VSTM2L: variants seen among roughly 807,000 people sequenced by gnomAD.
VSTM2L encodes the protein V-set and transmembrane domain containing 2 like.
VSTM2L carries 9 observed loss-of-function variants against 19.9 expected under a neutral mutation model. That is an observed-to-expected ratio of 0.45 (90% confidence interval 0.27 to 0.79). The LOEUF is 0.79. Ranked by LOEUF, VSTM2L falls within the 30% of genes least tolerant of loss-of-function variation. The pLI, the probability that VSTM2L is intolerant of heterozygous loss-of-function variation, is 0.15. For synonymous variants in VSTM2L, 127 were observed against 133.8 expected, an observed-to-expected ratio of 0.95 and a Z score of 0.35; for missense variants, 286 against 295.5, an observed-to-expected ratio of 0.97 and a Z score of 0.24.
Position 37,944,621 on chromosome 20 carries a change from GC to G in VSTM2L, c.*374del. On this transcript the variant is annotated 3_prime_UTR_variant, in exon 4 of 4. Transcript: ENST00000373461. The stretch of plus-strand genomic sequence containing the variant: ...GTCCCCCATCCTGTCCTGAGCCGGG[GC>G]CCCCCAGCCTCGCCTCCCTCCTCCT... The G allele has an allele frequency of 1.9e-6, 2 of 1,033,830 alleles. No individual in the cohort carries two copies. The highest frequency in any genetic ancestry group is 2.3e-6 in the Non-Finnish European group (2 of 862,514). 64.0% of individuals were successfully genotyped at this position (1,033,830 alleles called of 1,614,324 possible).
At chr20:37,936,077 G>C (rs2072938352) in intron 3 of VSTM2L, among the ~76,000 whole-genome samples, 1 of 139,358 alleles carries the variant, frequency 7.2e-6, no homozygotes, top group Non-Finnish European at 1.5e-5. Flanking sequence ...TGTATTTTTA[G>C]TAGAGACAGG....
chr20:37,927,405 C>T (rs369932947), intron 1 of VSTM2L, among the ~76,000 whole-genome samples: 9 of 152,056 alleles, frequency 5.9e-5, no homozygotes, highest in Non-Finnish European at 1.3e-4. Flanking sequence ...ATATTCCATG[C>T]GCGCCTTGCA....
intron 3 of VSTM2L, among the ~76,000 whole-genome samples, chr20:37,936,674 G>A (rs372635914): frequency 8.7e-4 from 132 of 152,254 alleles, no homozygotes; most frequent in Middle Eastern, 3.4e-3. Flanking sequence ...GGACCGTGAG[G>A]ACACAGTGGG....
At chr20:37,922,878 C>T (rs777250898) in intron 1 of VSTM2L, among the ~76,000 whole-genome samples, 4 of 151,498 alleles carry the variant, frequency 2.6e-5, no homozygotes, top group Non-Finnish European at 4.4e-5. Context: ...GCTAGAGGAC[C>T]GGTGGGTGAG....
intron 1 of VSTM2L, among the ~76,000 whole-genome samples, chr20:37,927,390 A>G (rs1448089945): frequency 6.6e-6 from 1 of 151,970 alleles, no homozygotes; most frequent in Non-Finnish European, 1.5e-5. Flanking sequence ...CTCCCAGGAG[A>G]TGGAATATTC....
chr20:37,944,385 G>A lies in VSTM2L; in HGVS notation c.*132G>A, dbSNP rs558652391. 38 of 1,284,920 alleles carry A rather than the reference G, an allele frequency of 3.0e-5. No individual in the cohort carries two copies. The South Asian group carries it at 4.5e-4, about 15-fold the overall frequency. The allele number at this position is 1,284,920 out of a possible 1,614,324, so 79.6% of individuals were successfully genotyped here. A position where few individuals can be genotyped will look rare whatever the true frequency, so the allele number is the denominator to read the frequency against. Reference sequence around the variant, plus strand: ...CGAGGCCGCCTGTGGCCACCATGTCGGCCCTCTTTCCACCACCCCTTGCTC... The same window carrying A: ...CGAGGCCGCCTGTGGCCACCATGTCAGCCCTCTTTCCACCACCCCTTGCTC... On this transcript the variant is annotated 3_prime_UTR_variant, in exon 4 of 4. Transcript: ENST00000373461.
Position 37,944,792 on chromosome 20 carries a change from G to C in VSTM2L, c.*539G>C. 1.0e-6 allele frequency: 1 copy of C among 986,294 alleles called. No individual in the cohort carries two copies. The highest frequency in any genetic ancestry group is 1.2e-6 in the Non-Finnish European group (1 of 830,364). The allele number at this position is 986,294 out of a possible 1,614,324, so 61.1% of individuals were successfully genotyped here. On this transcript the variant is annotated 3_prime_UTR_variant, in exon 4 of 4. Transcript: ENST00000373461. Reference sequence around the variant, plus strand: ...CCTTCTGGGGCAGTGGCTCTGCAGGGTCACTCATGGAGGCCTAGGGGAACA... The same window carrying C: ...CCTTCTGGGGCAGTGGCTCTGCAGGCTCACTCATGGAGGCCTAGGGGAACA...
intron 1 of VSTM2L, 150 bp from the exon 2 acceptor site, chr20:37,931,485 C>T: frequency 1.2e-6 from 1 of 830,372 alleles, no homozygotes; most frequent in Non-Finnish European, 1.9e-6. Flanking sequence ...GAAGCCAGAC[C>T]ACTCCCACCA....
At chr20:37,908,696 A>G (rs1437773075) in intron 1 of VSTM2L, among the ~76,000 whole-genome samples, 1 of 152,142 alleles carries the variant, frequency 6.6e-6, no homozygotes. Flanking sequence ...CCAGCTACTC[A>G]GTAGGCTGAG....
chr20:37,922,145 A>G (rs1442067069), intron 1 of VSTM2L, among the ~76,000 whole-genome samples: 2 of 151,918 alleles, frequency 1.3e-5, no homozygotes, highest in Non-Finnish European at 2.9e-5. Flanking sequence ...CAGTCCAGAA[A>G]TTGTTCATCA....
At chr20:37,914,113 T>G (rs1223219828) in intron 1 of VSTM2L, among the ~76,000 whole-genome samples, 1 of 151,002 alleles carries the variant, frequency 6.6e-6, no homozygotes. Flanking sequence ...AAAGAGGGAA[T>G]TGTGTGTGTG....
intron 1 of VSTM2L, among the ~76,000 whole-genome samples, chr20:37,918,258 T>C (rs1382012562): frequency 2.0e-5 from 3 of 151,962 alleles, no homozygotes; most frequent in African/African-American, 7.3e-5. Context: ...TAGTGATGGG[T>C]TGTGAGATTG....
chr20:37,906,226 G>A (rs1011253968), intron 1 of VSTM2L, among the ~76,000 whole-genome samples: 1 of 152,128 alleles, frequency 6.6e-6, no homozygotes, highest in Non-Finnish European at 1.5e-5. Flanking sequence ...AGATGGGTCA[G>A]AAAGGACATC....
In VSTM2L at chr20:37,944,714, T is replaced by C. The variant is rs1404134354; in HGVS notation, c.*461T>C. 4 of 988,800 alleles carry C rather than the reference T, an allele frequency of 4.0e-6. No homozygotes were observed. Among genetic ancestry groups the C allele is most frequent in the Non-Finnish European group, 4.8e-6 (4 of 832,514 alleles). The allele number at this position is 988,800 out of a possible 1,614,324, so 61.3% of individuals were successfully genotyped here. On this transcript the variant is annotated 3_prime_UTR_variant, in exon 4 of 4. Coordinates refer to ENST00000373461, the MANE Select transcript of VSTM2L (RefSeq NM_080607.3). ...TCCCTGAATATGGACTTGAATCTTC[T>C]GAGCAGAACTAGGGCCTCTCCCCTG...
chr20:37,904,968 G>A (rs2072743630), intron 1 of VSTM2L, among the ~76,000 whole-genome samples: 1 of 152,144 alleles, frequency 6.6e-6, no homozygotes, highest in Non-Finnish European at 1.5e-5. Context: ...TGGTAAATAA[G>A]GAAAGGGTTC....
rs1203422976 is a variant in VSTM2L, at chr20:37,903,372, G to T, written c.22G>T (p.Ala8Ser). 14 of 1,480,798 alleles carry T rather than the reference G, an allele frequency of 9.5e-6. No individual in the cohort carries two copies. In the South Asian group the frequency reaches 1.0e-4, roughly 11 times the overall value. The allele number at this position is 1,480,798 out of a possible 1,614,324, so 91.7% of individuals were successfully genotyped here. A position where few individuals can be genotyped will look rare whatever the true frequency, so the allele number is the denominator to read the frequency against. The change falls in exon 1 of 4, where the codon GCG becomes TCG. Residue 8 changes from alanine (A) to serine (S), a missense_variant. Ala to Ser is a moderately conservative substitution (Grantham distance 99, BLOSUM62 1). Transcript: ENST00000373461. Reference sequence around the variant, plus strand: ...CACGATGGGGGCCCCGCTCGCCGTAGCGCTGGGCGCCCTCCACTACCTGGC... The same window carrying T: ...CACGATGGGGGCCCCGCTCGCCGTATCGCTGGGCGCCCTCCACTACCTGGC... The part of the protein sequence containing the change: MGAPLAV[A>S]LGALHYLALF...
chr20:37,903,397 C>A lies in VSTM2L; in HGVS notation c.47C>A (p.Ala16Glu), dbSNP rs1389154592. ...GCGCTGGGCGCCCTCCACTACCTGG[C>A]ACTTTTCCTGCAACTCGGCGGCGCC... is the stretch of plus-strand genomic sequence containing the variant. The part of the protein sequence containing the change: ...AVALGALHYL[A>E]LFLQLGGATR... The change falls in exon 1 of 4, where the codon GCA (alanine) becomes GAA (glutamate). Residue 16 changes from alanine to glutamate, a missense_variant. Transcript: ENST00000373461. 4 of 1,490,868 alleles carry A rather than the reference C, an allele frequency of 2.7e-6. No homozygotes were observed. The South Asian group carries it at 5.0e-5, about 19-fold the overall frequency. The allele number at this position is 1,490,868 out of a possible 1,614,324, so 92.4% of individuals were successfully genotyped here.
Position 37,944,214 on chromosome 20 carries a change from G to A in VSTM2L, c.576G>A (p.Leu192=). The change falls in exon 4 of 4, where the codon CTG becomes CTA. Residue 192 remains leucine, a synonymous_variant. Coordinates refer to ENST00000373461, the MANE Select transcript of VSTM2L (RefSeq NM_080607.3). ...APPPPKPGKE[L]RKRSVDQEAC... ...CGCCCCCCAAGCCAGGCAAGGAGCT[G>A]AGGAAGCGCTCGGTGGACCAGGAGG... 1 of 1,525,636 alleles carries A rather than the reference G, an allele frequency of 6.6e-7. No homozygotes were observed. Among genetic ancestry groups the A allele is most frequent in the East Asian group, 2.5e-5 (1 of 40,388 alleles). The allele number at this position is 1,525,636 out of a possible 1,614,324, so 94.5% of individuals were successfully genotyped here. A position where few individuals can be genotyped will look rare whatever the true frequency, so the allele number is the denominator to read the frequency against.
chr20:37,903,276 G>A lies in VSTM2L; in HGVS notation c.-75G>A, dbSNP rs1490966616. 8 of 1,323,602 alleles carry A rather than the reference G, an allele frequency of 6.0e-6. No homozygotes were observed. The African/African-American group carries it at 1.2e-4, about 21-fold the overall frequency. The allele number at this position is 1,323,602 out of a possible 1,614,324, so 82.0% of individuals were successfully genotyped here. On this transcript the variant is annotated 5_prime_UTR_variant, in exon 1 of 4. Transcript: ENST00000373461. Reference sequence around the variant, plus strand: ...GGGCAGCCAGGCCGCTCAGGGCAGGGGACAGCTGGCGCCGGTTCTGCGGTC... The same window carrying A: ...GGGCAGCCAGGCCGCTCAGGGCAGGAGACAGCTGGCGCCGGTTCTGCGGTC...
Sources: allele counts gnomAD v4.1 joint callset (sites outside exome capture counted in the v4.1 genomes callset), GRCh38; gene constraint gnomAD v4.1.1; transcripts MANE v1.5; gene names NCBI Gene and HGNC (gene_info 2026-07-23, HGNC 2026-07-21).